The following MAGI2 variants were observed in gnomAD, a reference collection of about 807,000 sequenced individuals.
MAGI2 encodes the protein membrane associated guanylate kinase, WW and PDZ domain containing 2, also known as membrane-associated guanylate kinase, WW and PDZ domain-containing protein 2.
A neutral mutation model predicts 133.3 loss-of-function variants in MAGI2; 35 were observed. That is an observed-to-expected ratio of 0.26 (90% confidence interval 0.20 to 0.35). MAGI2 has a LOEUF of 0.35. Among genes scored for constraint, MAGI2 ranks in the 10% least tolerant of loss-of-function variants. The pLI is 1.00. For synonymous variants in MAGI2, 729 were observed against 710.6 expected (o/e 1.03, Z -0.41); for missense variants, 1,636 against 1,863.4 (o/e 0.88, Z 2.25).
chr7:79,257,378 A>G (rs888387406), intron 1 of MAGI2, among the ~76,000 whole-genome samples: 11 of 151,390 alleles, frequency 7.3e-5, no homozygotes, highest in African/African-American at 2.5e-4. Flanking sequence ...GACAAAAGCA[A>G]AAAAAAATTG....
chr7:78,388,313 T>TCAC (rs1378606651), intron 6 of MAGI2, among the ~76,000 whole-genome samples: 2 of 151,776 alleles, frequency 1.3e-5, no homozygotes, highest in African/African-American at 4.8e-5. Context: ...ATCATCATCA[T>TCAC]CGGTAGTGGT....
At chr7:79,344,233 C>T (rs2129103165) in intron 1 of MAGI2, among the ~76,000 whole-genome samples, 1 of 150,966 alleles carries the variant, frequency 6.6e-6, no homozygotes, top group African/African-American at 2.4e-5. Flanking sequence ...AAAAAAGGTA[C>T]AATGAATCAA....
intron 2 of MAGI2, among the ~76,000 whole-genome samples, chr7:78,739,929 C>T (rs1220318218): frequency 1.3e-5 from 2 of 152,026 alleles, no homozygotes; most frequent in Non-Finnish European, 2.9e-5. Context: ...GAGGCCGAGG[C>T]GGGCGGATCA....
chr7:78,406,907 T>C (rs1797432469), intron 6 of MAGI2, among the ~76,000 whole-genome samples: 1 of 152,072 alleles, frequency 6.6e-6, no homozygotes, highest in South Asian at 2.1e-4. Flanking sequence ...ATTGTCACTG[T>C]ATAAGATTAT....
In MAGI2 at chr7:78,317,609, G is replaced by T. The variant is rs1402854501; in HGVS notation, c.1408+26169C>A. On this transcript the variant is annotated intron_variant, in intron 9 of 21. Transcript: ENST00000354212. ...GTATGATGGCTCTGAAGAGAGCAGC[G>T]GATCTCCCAGCACAGCATTCGAGCT... Among the ~76,000 whole-genome samples, 4 of 152,218 alleles carry T rather than the reference G, an allele frequency of 2.6e-5. No homozygotes were observed. In the East Asian group the frequency reaches 7.7e-4, roughly 29 times the overall value.
chr7:78,928,639 A>G (rs1252242093), intron 2 of MAGI2, among the ~76,000 whole-genome samples: 3 of 152,198 alleles, frequency 2.0e-5, no homozygotes, highest in African/African-American at 7.2e-5. Flanking sequence ...TAGGCCCTCA[A>G]TAAATACTTG....
chr7:79,074,503 T>C (rs1815284445), intron 1 of MAGI2, among the ~76,000 whole-genome samples: 1 of 152,288 alleles, frequency 6.6e-6, no homozygotes, highest in Admixed American at 6.5e-5. Context: ...TTCTCTGCTT[T>C]CTATTCATTT....
At chr7:79,423,439 G>A (rs985295779) in intron 1 of MAGI2, among the ~76,000 whole-genome samples, 3 of 151,798 alleles carry the variant, frequency 2.0e-5, no homozygotes, top group Admixed American at 6.6e-5. Flanking sequence ...ACCTAATTAG[G>A]AATAATTCAA....
intron 9 of MAGI2, among the ~76,000 whole-genome samples, chr7:78,275,611 T>C (rs1468669273): frequency 2.0e-5 from 3 of 152,174 alleles, no homozygotes; most frequent in Non-Finnish European, 4.4e-5. Flanking sequence ...ACTGGGGATG[T>C]AACTCTGAGG....
chr7:78,020,435 A>C (rs2151034037), intron 21 of MAGI2, among the ~76,000 whole-genome samples: 1 of 152,228 alleles, frequency 6.6e-6, no homozygotes, highest in African/African-American at 2.4e-5. Flanking sequence ...GGGGCCCAGG[A>C]AGTCCTCTGT....
chr7:78,423,486 G>C (rs1056537832), intron 6 of MAGI2, among the ~76,000 whole-genome samples: 6 of 152,184 alleles, frequency 3.9e-5, no homozygotes, highest in African/African-American at 1.4e-4. Context: ...TGAGGTTGGG[G>C]TATGGCTGAA....
At chr7:78,428,966 G>A (rs1799536515) in intron 6 of MAGI2, among the ~76,000 whole-genome samples, 1 of 152,168 alleles carries the variant, frequency 6.6e-6, no homozygotes. Context: ...CGTAATGGCA[G>A]ATATAATGCT....
chr7:78,315,928 T>C (rs1787368927), intron 9 of MAGI2, among the ~76,000 whole-genome samples: 1 of 152,192 alleles, frequency 6.6e-6, no homozygotes, highest in African/African-American at 2.4e-5. Context: ...TTTCCTATAC[T>C]TTCTCTGGCT....
intron 1 of MAGI2, among the ~76,000 whole-genome samples, chr7:79,141,559 CT>C (rs1168079488): frequency 6.6e-6 from 1 of 152,018 alleles, no homozygotes; most frequent in East Asian, 1.9e-4. Context: ...TCCTTTGGGC[CT>C]TTGTTTTTTT....
intron 1 of MAGI2, among the ~76,000 whole-genome samples, chr7:79,214,407 C>CTA (rs1196193501): frequency 0.016 from 286 of 17,684 alleles, 9 homozygotes; most frequent in Admixed American, 0.022. Flanking sequence ...CTCTCTCTCT[C>CTA]TATATATATA....
chr7:78,536,138 A>G (rs905004361), intron 3 of MAGI2, among the ~76,000 whole-genome samples: 2 of 73,500 alleles, frequency 2.7e-5, no homozygotes, highest in Non-Finnish European at 4.7e-5. Flanking sequence ...TTTGAGACGG[A>G]GTCTCGCTCT....
At chr7:78,804,304 A>G (rs907248078) in intron 2 of MAGI2, among the ~76,000 whole-genome samples, 15 of 152,102 alleles carry the variant, frequency 9.9e-5, no homozygotes, top group Non-Finnish European at 1.6e-4. Flanking sequence ...AAACACATTA[A>G]CGGTGTCAAG....
Position 78,848,092 on chromosome 7 carries a change from C to A in MAGI2, c.418+158998G>T, listed in dbSNP as rs186114216. Among the ~76,000 whole-genome samples, 5 of 151,980 alleles carry A rather than the reference C, an allele frequency of 3.3e-5. No individual in the cohort carries two copies. In the East Asian group the frequency reaches 9.8e-4, roughly 30 times the overall value. ...TAACTCCCAGATAAGTACCTAGAGT[C>A]CTGACCTCTCCCCCTGAACTCTCTC... On this transcript the variant is annotated intron_variant, in intron 2 of 21. Transcript: ENST00000354212.
chr7:78,664,315 T>C (rs898516565), intron 2 of MAGI2, among the ~76,000 whole-genome samples: 4 of 152,198 alleles, frequency 2.6e-5, no homozygotes, highest in Non-Finnish European at 5.9e-5. Context: ...TTATGAAACC[T>C]TAATTTTTCC....
Sources: gnomAD v4.1 joint callset for allele counts (sites outside exome capture counted in the v4.1 genomes callset) on GRCh38, gnomAD v4.1.1 for gene constraint, MANE v1.5 for transcripts, NCBI Gene and HGNC (gene_info 2026-07-23, HGNC 2026-07-21) for gene names.